ACSS3: variants seen among roughly 807,000 people sequenced by gnomAD.
The protein encoded by ACSS3 is acyl-CoA synthetase short chain family member 3, also known as acyl-CoA synthetase short-chain family member 3, mitochondrial.
In ACSS3, 64 loss-of-function variants were observed where a neutral mutation model predicts 84.2. That is an observed-to-expected ratio of 0.76 (90% CI 0.62 to 0.94). The LOEUF is 0.94. ACSS3 is among the 40% of genes least tolerant of loss of function. The pLI is 0.00. For synonymous variants in ACSS3, 317 were observed against 310.1 expected, an observed-to-expected ratio of 1.02 and a Z score of -0.23; for missense variants, 815 against 867.6, an observed-to-expected ratio of 0.94 and a Z score of 0.76.
At chr12:81,165,469 C>A (rs929627671) in intron 7 of ACSS3, among the ~76,000 whole-genome samples, 21 of 152,120 alleles carry the variant, frequency 1.4e-4, no homozygotes, top group Admixed American at 1.0e-3. Context: ...CACAGTGAAA[C>A]CCCGTCTCTA....
At chr12:81,148,505 C>T (rs1886450895) in intron 5 of ACSS3, among the ~76,000 whole-genome samples, 1 of 152,072 alleles carries the variant, frequency 6.6e-6, no homozygotes, top group African/African-American at 2.4e-5. Flanking sequence ...ACACCATAAA[C>T]ATTGTATTTG....
Position 81,259,520 on chromosome 12 carries a change from C to T in ACSS3, c.*4598C>T, listed in dbSNP as rs2034650192. ...AACTAATCAAATGTAATATCTGACT[C>T]CCCCCAAAAATCACATTTTTCAGCT... On this transcript the variant is annotated 3_prime_UTR_variant, in exon 16 of 16. Coordinates refer to ENST00000548058, the MANE Select transcript of ACSS3 (RefSeq NM_024560.4). 2.1e-6 allele frequency: 2 copies of T among 949,606 alleles called. No individual in the cohort carries two copies. The highest frequency in any genetic ancestry group is 3.2e-6 in the Non-Finnish European group (2 of 628,082). 58.8% of individuals were successfully genotyped at this position (949,606 alleles called of 1,614,324 possible).
At chr12:81,113,853 T>C (rs1883808299) in intron 2 of ACSS3, among the ~76,000 whole-genome samples, 1 of 152,124 alleles carries the variant, frequency 6.6e-6, no homozygotes, top group Admixed American at 6.6e-5. Context: ...AGATCTGCAT[T>C]CTAGAGGACA....
chr12:81,187,476 C>T (rs962017309), intron 8 of ACSS3, among the ~76,000 whole-genome samples: 2 of 151,748 alleles, frequency 1.3e-5, no homozygotes, highest in African/African-American at 4.8e-5. Flanking sequence ...GCTAATACTC[C>T]GGTTAGAATG....
At chr12:81,168,924 T>C (rs1006577529) in intron 7 of ACSS3, among the ~76,000 whole-genome samples, 33 of 152,326 alleles carry the variant, frequency 2.2e-4, no homozygotes, top group African/African-American at 7.9e-4. Context: ...AGATAATGTC[T>C]ATCGAAGGAC....
chr12:81,094,184 C>CTGTGTGTG (rs34746505), intron 1 of ACSS3, among the ~76,000 whole-genome samples: 20 of 146,664 alleles, frequency 1.4e-4, no homozygotes, highest in Admixed American at 3.4e-4. Flanking sequence ...GTCTCTCTCT[C>CTGTGTGTG]TGTGTGTGTG....
intron 13 of ACSS3, among the ~76,000 whole-genome samples, chr12:81,240,162 A>G (rs1177591984): frequency 6.6e-6 from 1 of 151,998 alleles, no homozygotes; most frequent in African/African-American, 2.4e-5. Context: ...TTTCCAACAC[A>G]GGAGTGTTAA....
intron 10 of ACSS3, among the ~76,000 whole-genome samples, chr12:81,217,382 A>C (rs1171949157): frequency 6.6e-6 from 1 of 152,196 alleles, no homozygotes; most frequent in Admixed American, 6.5e-5. Context: ...AACAGAATAA[A>C]TAATTTTCTT....
intron 2 of ACSS3, among the ~76,000 whole-genome samples, chr12:81,123,489 G>T (rs1038160032): frequency 6.6e-6 from 1 of 151,612 alleles, no homozygotes; most frequent in African/African-American, 2.4e-5. Context: ...GGTTTTTTTT[G>T]AACTTTTATT....
Position 81,233,538 on chromosome 12 carries a change from T to C in ACSS3, c.1719+67T>C, listed in dbSNP as rs1173693881. Reference sequence around the variant, plus strand: ...GCACAGAGCTGCACTGAAGACAATATTGAGGTTATTTCACTTGGAAAATTA... The same window carrying C: ...GCACAGAGCTGCACTGAAGACAATACTGAGGTTATTTCACTTGGAAAATTA... On this transcript the variant is annotated intron_variant, in intron 13 of 15. Transcript: ENST00000548058. 1.8e-5 allele frequency: 28 copies of C among 1,566,118 alleles called. No homozygotes were observed. In the Admixed American group the frequency reaches 2.1e-4, roughly 12 times the overall value.
chr12:81,151,508 A>C (rs992816424), intron 5 of ACSS3: 6 of 183,444 alleles, frequency 3.3e-5, no homozygotes, highest in African/African-American at 1.4e-4. Context: ...TTTGTTCTGG[A>C]AATATGTCTG....
chr12:81,242,277 C>T (rs906418027), intron 13 of ACSS3, among the ~76,000 whole-genome samples: 22 of 152,074 alleles, frequency 1.4e-4, no homozygotes, highest in African/African-American at 2.9e-4. Flanking sequence ...ATAAATTCCT[C>T]GACACATACA....
intron 9 of ACSS3, among the ~76,000 whole-genome samples, chr12:81,206,531 G>A (rs1277908166): frequency 6.6e-6 from 1 of 151,870 alleles, no homozygotes; most frequent in African/African-American, 2.4e-5. Context: ...AATTTAACAT[G>A]AGAAGTTGTG....
chr12:81,251,928 T>C (rs2034167918), intron 13 of ACSS3, among the ~76,000 whole-genome samples: 1 of 152,108 alleles, frequency 6.6e-6, no homozygotes, highest in African/African-American at 2.4e-5. Context: ...CTGAAAATGA[T>C]TTATCACCTT....
At chr12:81,188,002 A>G (rs1388360823) in intron 8 of ACSS3, among the ~76,000 whole-genome samples, 1 of 152,022 alleles carries the variant, frequency 6.6e-6, no homozygotes, top group Non-Finnish European at 1.5e-5. Flanking sequence ...ATTGCTAAGC[A>G]AATTTGAGAA....
At chr12:81,141,969 T>C in intron 4 of ACSS3, among the ~76,000 whole-genome samples, 1 of 152,212 alleles carries the variant, frequency 6.6e-6, no homozygotes, top group Non-Finnish European at 1.5e-5. Context: ...CATACAGGTA[T>C]CATATTCATA....
Position 81,248,630 on chromosome 12 carries a change from G to C in ACSS3, c.1720-4677G>C, listed in dbSNP as rs146427230. ...ATAAACAGTTAGATAGAAGGAATAA[G>C]TTCTAATATTCAGTAGCAAAGTAGA... On this transcript the variant is annotated intron_variant, in intron 13 of 15. Coordinates refer to ENST00000548058, the MANE Select transcript of ACSS3 (RefSeq NM_024560.4). 2.0e-5 allele frequency among the ~76,000 whole-genome samples: 3 copies of C among 151,978 alleles called. No individual in the cohort carries two copies. The East Asian group carries it at 5.8e-4, about 29-fold the overall frequency.
intron 2 of ACSS3, chr12:81,124,455 C>T (rs1884907543): frequency 6.6e-6 from 1 of 152,180 alleles, no homozygotes; most frequent in African/African-American, 2.4e-5. Context: ...GGCAAAACTC[C>T]AGACCTGGAT....
intron 7 of ACSS3, chr12:81,158,366 G>T (rs935603272): frequency 2.6e-5 from 4 of 153,350 alleles, no homozygotes; most frequent in African/African-American, 7.3e-5. Flanking sequence ...TTAAGGCCTT[G>T]TCTACACTCA....
Sources: allele counts gnomAD v4.1 joint callset (sites outside exome capture counted in the v4.1 genomes callset), GRCh38; gene constraint gnomAD v4.1.1; transcripts MANE v1.5; gene names NCBI Gene and HGNC (gene_info 2026-07-23, HGNC 2026-07-21).